SEMA5A: variants seen among roughly 807,000 people sequenced by gnomAD.
SEMA5A encodes the protein semaphorin 5A.
SEMA5A carries 55 observed loss-of-function variants against 135.5 expected under a neutral mutation model. The observed-to-expected ratio is 0.41, with a 90% confidence interval of 0.33 to 0.51. SEMA5A has a LOEUF of 0.51. Among genes scored for constraint, SEMA5A ranks in the 20% least tolerant of loss-of-function variants. The pLI is 0.37. For missense variants in SEMA5A, 1,290 were observed against 1,419.9 expected (o/e 0.91, Z 1.47); for synonymous variants, 580 against 546.5 (o/e 1.06, Z -0.85).
intron 13 of SEMA5A, among the ~76,000 whole-genome samples, chr5:9,131,726 G>A (rs186649070): frequency 9.7e-4 from 139 of 143,136 alleles, no homozygotes; most frequent in Non-Finnish European, 1.9e-3. Flanking sequence ...CCATTCATGA[G>A]AGATTCGCCC....
At chr5:9,096,758 ATAT>A (rs1465770789) in intron 16 of SEMA5A, among the ~76,000 whole-genome samples, 1 of 152,230 alleles carries the variant, frequency 6.6e-6, no homozygotes, top group Non-Finnish European at 1.5e-5. Context: ...AAAAAAATAT[ATAT>A]GACCCAATTA....
chr5:9,122,622 C>T (rs1178848968), intron 14 of SEMA5A, 34 bp downstream of exon 14: 21 of 1,489,648 alleles, frequency 1.4e-5, no homozygotes, highest in Non-Finnish European at 1.9e-5. Context: ...GTTTAATACA[C>T]AGCAGCACAA....
chr5:9,220,279 C>T (rs941874980), intron 8 of SEMA5A, among the ~76,000 whole-genome samples: 4 of 152,100 alleles, frequency 2.6e-5, no homozygotes, highest in African/African-American at 9.7e-5. Flanking sequence ...GAAGGGTGCA[C>T]TACAATCTCA....
chr5:9,157,860 A>AT (rs1433039187), intron 11 of SEMA5A, among the ~76,000 whole-genome samples: 2 of 152,358 alleles, frequency 1.3e-5, no homozygotes, highest in East Asian at 3.9e-4. Flanking sequence ...ATAGATTTCT[A>AT]TTTGACATAG....
intron 11 of SEMA5A, among the ~76,000 whole-genome samples, chr5:9,158,136 T>C (rs1232063742): frequency 6.6e-6 from 1 of 152,162 alleles, no homozygotes; most frequent in East Asian, 1.9e-4. Flanking sequence ...GGGAAAGAAG[T>C]GTAGCCAGCC....
intron 21 of SEMA5A, among the ~76,000 whole-genome samples, chr5:9,047,959 G>A (rs574270848): frequency 6.6e-6 from 1 of 152,188 alleles, no homozygotes; most frequent in African/African-American, 2.4e-5. Context: ...GTAACTGTGA[G>A]GCTCAGCAGG....
intron 5 of SEMA5A, among the ~76,000 whole-genome samples, chr5:9,242,122 T>C (rs1488187617): frequency 2.0e-5 from 3 of 152,236 alleles, no homozygotes; most frequent in East Asian, 1.9e-4. Context: ...ATGGCAATTA[T>C]AAACAAATCG....
chr5:9,458,767 C>A (rs3822803), intron 1 of SEMA5A, among the ~76,000 whole-genome samples: 42,938 of 152,022 alleles, frequency 0.28, 6,405 homozygotes, highest in East Asian at 0.52. Flanking sequence ...CCTCGGAACA[C>A]GTATGAGCAT....
chr5:9,525,215 A>G (rs7723337), intron 1 of SEMA5A, among the ~76,000 whole-genome samples: 58,003 of 152,088 alleles, frequency 0.38, 11,481 homozygotes, highest in Non-Finnish European at 0.43. Flanking sequence ...TTTTCACGCT[A>G]CAACAGCAGA....
chr5:9,078,493 A>T (rs1006478169), intron 16 of SEMA5A, among the ~76,000 whole-genome samples: 3 of 151,956 alleles, frequency 2.0e-5, no homozygotes, highest in Admixed American at 2.0e-4. Context: ...ACAATAATGC[A>T]TGGGGACATT....
At chr5:9,468,343 A>G (rs1292408777) in intron 1 of SEMA5A, among the ~76,000 whole-genome samples, 1 of 152,224 alleles carries the variant, frequency 6.6e-6, no homozygotes, top group African/African-American at 2.4e-5. Context: ...AATCTTACCC[A>G]GAGTGGGACC....
At chr5:9,455,378 C>A (rs1333101043) in intron 1 of SEMA5A, among the ~76,000 whole-genome samples, 1 of 152,000 alleles carries the variant, frequency 6.6e-6, no homozygotes, top group Non-Finnish European at 1.5e-5. Context: ...GCCCCAGCCT[C>A]CCGAGTAGCT....
At chr5:9,372,536 A>G (rs1393842260) in intron 3 of SEMA5A, among the ~76,000 whole-genome samples, 1 of 152,020 alleles carries the variant, frequency 6.6e-6, no homozygotes, top group Non-Finnish European at 1.5e-5. Flanking sequence ...GGATACATGG[A>G]CACACATAAA....
At chr5:9,348,263 A>C (rs756978487) in intron 3 of SEMA5A, among the ~76,000 whole-genome samples, 1 of 152,232 alleles carries the variant, frequency 6.6e-6, no homozygotes, top group Non-Finnish European at 1.5e-5. Flanking sequence ...ATTAATTAGG[A>C]TAAGAAACAA....
chr5:9,175,004 C>G (rs1330072587), intron 11 of SEMA5A, among the ~76,000 whole-genome samples: 1 of 152,178 alleles, frequency 6.6e-6, no homozygotes, highest in African/African-American at 2.4e-5. Context: ...AATTATTCCA[C>G]ATTTTATGGT....
intron 1 of SEMA5A, among the ~76,000 whole-genome samples, chr5:9,472,436 T>C (rs1006538740): frequency 1.3e-5 from 2 of 152,346 alleles, no homozygotes; most frequent in South Asian, 2.1e-4. Context: ...GAAAACTTCC[T>C]GCCTTGTGTT....
chr5:9,224,943 T>A, intron 7 of SEMA5A, 56 bp from the exon 8 acceptor site: 1 of 1,497,330 alleles, frequency 6.7e-7, no homozygotes, highest in Non-Finnish European at 9.1e-7. Context: ...CCTTTAGTGA[T>A]GCTTATGGTC....
At chr5:9,049,521 C>A (rs1268450650) in intron 21 of SEMA5A, among the ~76,000 whole-genome samples, 1 of 152,322 alleles carries the variant, frequency 6.6e-6, no homozygotes, top group East Asian at 1.9e-4. Flanking sequence ...AAGTACATTC[C>A]TGAAACATGC....
chr5:9,078,165 C>A (rs554593455), intron 16 of SEMA5A, among the ~76,000 whole-genome samples: 132 of 152,272 alleles, frequency 8.7e-4, no homozygotes, highest in African/African-American at 3.1e-3. Context: ...TTTTTCCTAG[C>A]AAATATCTTG....
Sources: allele counts gnomAD v4.1 joint callset (sites outside exome capture counted in the v4.1 genomes callset), GRCh38; gene constraint gnomAD v4.1.1; transcripts MANE v1.5; gene names NCBI Gene and HGNC (gene_info 2026-07-23, HGNC 2026-07-21).